KIF11: variants seen among roughly 807,000 people sequenced by gnomAD.
KIF11 encodes kinesin family member 11.
KIF11 carries 9 observed loss-of-function variants against 121.0 expected under a neutral mutation model. That is an observed-to-expected ratio of 0.07 (90% CI 0.04 to 0.13). KIF11 has a LOEUF of 0.13. Among genes scored for constraint, KIF11 ranks in the 10% least tolerant of loss-of-function variants. KIF11 has a pLI of 1.00. For synonymous variants in KIF11, 408 were observed against 421.0 expected (o/e 0.97, Z 0.38); for missense variants, 846 against 1,217.5 (o/e 0.69, Z 4.54).
intron 1 of KIF11, among the ~76,000 whole-genome samples, chr10:92,596,015 T>C (rs549660386): frequency 6.6e-6 from 1 of 152,294 alleles, no homozygotes; most frequent in East Asian, 1.9e-4. Context: ...GTTGTTGTTG[T>C]TTTTGAGACC....
Position 92,609,134 on chromosome 10 carries a change from CT to C in KIF11, c.507del (p.Phe169LeufsTer26). ...VSLLEIYNEE[L>X]FDLLNPSSDV... ...TCTGTTGGAGATCTATAATGAAGAGCTTTTTGATCTTCTTAATCCATCATCT... is the reference window on the plus strand; with the variant it reads ...TCTGTTGGAGATCTATAATGAAGAGCTTTTGATCTTCTTAATCCATCATCT... On this transcript the variant is annotated frameshift_variant, in exon 5 of 22. Transcript: ENST00000260731. LOFTEE classifies it high-confidence loss of function. 1 of 1,605,260 alleles carries C rather than the reference CT, an allele frequency of 6.2e-7. No individual in the cohort carries two copies. The highest frequency in any genetic ancestry group is 8.5e-7 in the Non-Finnish European group (1 of 1,175,026).
chr10:92,612,747 G>T (rs1022621848), intron 6 of KIF11, among the ~76,000 whole-genome samples: 2 of 152,130 alleles, frequency 1.3e-5, no homozygotes, highest in African/African-American at 4.8e-5. Context: ...TGACATACCA[G>T]GCAACTGTTT....
intron 19 of KIF11, among the ~76,000 whole-genome samples, chr10:92,649,507 TCTA>T (rs1844957585): frequency 6.6e-6 from 1 of 152,186 alleles, no homozygotes; most frequent in Non-Finnish European, 1.5e-5. Context: ...TGTTGGGAAA[TCTA>T]CTCATTCCAA....
At chr10:92,615,121 A>G (rs1419672639) in intron 8 of KIF11, among the ~76,000 whole-genome samples, 1 of 151,644 alleles carries the variant, frequency 6.6e-6, no homozygotes, top group Non-Finnish European at 1.5e-5. Context: ...AAGCTTTTTT[A>G]GGCCAGGCAC....
rs754165708 is a variant in KIF11, at chr10:92,606,296, G to T, written c.109G>T (p.Ala37Ser). Residue 37 changes from alanine to serine, a missense_variant, in exon 2 of 22, where the codon GCC becomes TCC. By Grantham distance (99) the Ala-to-Ser change is moderately conservative. This residue lies in a region of KIF11 where 140 missense variants were observed against 193.5 expected (regional missense o/e 0.72). Transcript: ENST00000260731. Reference protein sequence around the residue: ...PFNLAERKASAHSIVECDPVR... With the variant: ...PFNLAERKASSHSIVECDPVR... ...TAATTTGGCAGAGCGGAAAGCTAGC[G>T]CCCATTCAATAGTAGAATGTGATCC... 1 of 1,604,582 alleles carries T rather than the reference G, an allele frequency of 6.2e-7. No individual in the cohort carries two copies. Among genetic ancestry groups the T allele is most frequent in the Non-Finnish European group, 8.5e-7 (1 of 1,177,858 alleles).
chr10:92,607,615 C>T (rs1844443473), intron 4 of KIF11, among the ~76,000 whole-genome samples: 1 of 152,074 alleles, frequency 6.6e-6, no homozygotes, highest in Non-Finnish European at 1.5e-5. Context: ...GTACTTTATT[C>T]ATGATGATCC....
intron 10 of KIF11, among the ~76,000 whole-genome samples, chr10:92,626,793 T>C (rs1844682463): frequency 6.6e-6 from 1 of 150,812 alleles, no homozygotes. Context: ...AGAGTCTCAC[T>C]CTGTCACCCA....
chr10:92,606,765 G>T (rs757915071), intron 3 of KIF11, 49 bp downstream of exon 3: 1 of 951,680 alleles, frequency 1.1e-6, no homozygotes, highest in Non-Finnish European at 1.7e-6. Flanking sequence ...TTAAATGCTT[G>T]TGTTTTTTGT....
chr10:92,607,104 AAG>A lies in KIF11; in HGVS notation c.309-52_309-51del, dbSNP rs113442397. On this transcript the variant is annotated intron_variant, in intron 3 of 21. Transcript: ENST00000260731. ...TTTTTTGTTTTTCTAGTCTATCACT[AAG>A]AGTCATATGGGTGCATGTTTCTTTT... 0.082 allele frequency: 84,409 copies of A among 1,035,022 alleles called. 4,046 individuals are homozygous for A. The highest frequency in any genetic ancestry group is 0.12 in the Middle Eastern group (509 of 4,240). 64.1% of individuals were successfully genotyped at this position (1,035,022 alleles called of 1,614,324 possible).
rs990449630 is a variant in KIF11 at position 92,654,968 on chromosome 10, G to A, written c.*1172G>A. 4 of 152,604 alleles carry A rather than the reference G, an allele frequency of 2.6e-5. No homozygotes were observed. The highest frequency in any genetic ancestry group is 9.6e-5 in the African/African-American group (4 of 41,452). 9.5% of individuals were successfully genotyped at this position (152,604 alleles called of 1,614,324 possible). Reference sequence around the variant, plus strand: ...ATAATTTATATTCTTTTGTTTACATGATGAAACTTTTTGTTGTTGCTTGTT... The same window carrying A: ...ATAATTTATATTCTTTTGTTTACATAATGAAACTTTTTGTTGTTGCTTGTT... On this transcript the variant is annotated 3_prime_UTR_variant, in exon 22 of 22. Transcript: ENST00000260731.
chr10:92,649,318 G>C (rs1844955646), intron 19 of KIF11, among the ~76,000 whole-genome samples: 1 of 152,068 alleles, frequency 6.6e-6, no homozygotes, highest in Admixed American at 6.6e-5. Flanking sequence ...ATATAACTGG[G>C]GGCCTGATGC....
intron 1 of KIF11, among the ~76,000 whole-genome samples, chr10:92,601,620 TGTTA>T (rs140608057): frequency 0.42 from 63,188 of 151,472 alleles, 13,884 homozygotes; most frequent in East Asian, 0.8. Context: ...TTCTTTTATT[TGTTA>T]GTTTGTTTGA....
At position 92,613,046 on chromosome 10, in the gene KIF11, C is replaced by T; in HGVS notation, c.705C>T (p.Ser235=). The change falls in exon 7 of 22, where the codon TCC becomes TCT. Residue 235 remains serine, a synonymous_variant. Transcript: ENST00000260731. This position sits in a 1 kb window ranked among gnomAD's most constrained non-coding sequence, Gnocchi z 4.2. ...ACTTGATATTGTTTTCTAGTCGTTC[C>T]CACTCAGTTTTCTCTGTTACAATAC... The part of the protein sequence containing the change: ...ATLMNAYSSR[S]HSVFSVTIHM... 1 of 1,590,218 alleles carries T rather than the reference C, an allele frequency of 6.3e-7. No homozygotes were observed. Among genetic ancestry groups the T allele is most frequent in the Non-Finnish European group, 8.6e-7 (1 of 1,161,966 alleles).
chr10:92,643,673 C>T (rs1306692846), intron 17 of KIF11, among the ~76,000 whole-genome samples: 1 of 151,378 alleles, frequency 6.6e-6, no homozygotes, highest in Non-Finnish European at 1.5e-5. Context: ...TCTCCTGCCT[C>T]AGCCTCCCAA....
chr10:92,599,931 G>A (rs1329025656), intron 1 of KIF11, among the ~76,000 whole-genome samples: 1 of 148,572 alleles, frequency 6.7e-6, no homozygotes, highest in Admixed American at 6.7e-5. Flanking sequence ...GATTACAGCC[G>A]TGAGCCACTG....
At chr10:92,634,510 G>C (rs1202235650) in intron 14 of KIF11, among the ~76,000 whole-genome samples, 1 of 151,028 alleles carries the variant, frequency 6.6e-6, no homozygotes, top group South Asian at 2.1e-4. Context: ...CTAACCTCAA[G>C]CAATCCACCC....
chr10:92,630,152 C>A, intron 11 of KIF11, 24 bp from the exon 12 acceptor site: 1 of 1,232,016 alleles, frequency 8.1e-7, no homozygotes. Context: ...GCCAGCTCAG[C>A]GTTTTTTAAA....
chr10:92,603,000 G>A (rs1333646086), intron 1 of KIF11, among the ~76,000 whole-genome samples: 5 of 151,372 alleles, frequency 3.3e-5, no homozygotes, highest in African/African-American at 7.3e-5. Context: ...GATTACAGGC[G>A]CCTGCCACCA....
chr10:92,618,461 A>G (rs1844582905), intron 9 of KIF11, among the ~76,000 whole-genome samples: 1 of 151,834 alleles, frequency 6.6e-6, no homozygotes, highest in African/African-American at 2.4e-5. Context: ...CCTGGCTAAC[A>G]TAGTGAAACC....
Sources: gnomAD v4.1 joint callset for allele counts (sites outside exome capture counted in the v4.1 genomes callset) on GRCh38, gnomAD v4.1.1 for gene constraint, gnomAD v4.1.1 regional missense constraint, Gnocchi (gnomAD v3.1) non-coding constraint, MANE v1.5 for transcripts, NCBI Gene and HGNC (gene_info 2026-07-23, HGNC 2026-07-21) for gene names.